PARD3B: variants seen among roughly 807,000 people sequenced by gnomAD.
PARD3B encodes partitioning defective 3 homolog B.
PARD3B carries 103 observed loss-of-function variants against 130.2 expected under a neutral mutation model. The ratio of observed to expected loss-of-function variants is 0.79; its 90% CI spans 0.67 to 0.93. The LOEUF (loss-of-function observed/expected upper bound fraction) is 0.93. PARD3B is among the 40% of genes least tolerant of loss of function. The pLI is 0.00. For missense variants in PARD3B, 1,609 were observed against 1,499.2 expected, an observed-to-expected ratio of 1.07 and a Z score of -1.21; for synonymous variants, 583 against 553.2, an observed-to-expected ratio of 1.05 and a Z score of -0.76.
chr2:204,766,049 C>T (rs1559127963), intron 2 of PARD3B, among the ~76,000 whole-genome samples: 1 of 152,118 alleles, frequency 6.6e-6, no homozygotes, highest in Non-Finnish European at 1.5e-5. Context: ...GATTGTCTTT[C>T]CTCCCAAACT....
intron 21 of PARD3B, among the ~76,000 whole-genome samples, chr2:205,537,204 A>C (rs4675533): frequency 0.94 from 142,419 of 152,104 alleles, 67,359 homozygotes; most frequent in East Asian, 1. Context: ...ATAGGTGTTG[A>C]TTCTGCTCAA....
At chr2:204,753,265 A>G (rs2040535483) in intron 2 of PARD3B, among the ~76,000 whole-genome samples, 1 of 152,188 alleles carries the variant, frequency 6.6e-6, no homozygotes, top group African/African-American at 2.4e-5. Flanking sequence ...TTAAGATTTT[A>G]TAGCTGGAAA....
At position 205,083,326 on chromosome 2, in the gene PARD3B, T is replaced by A. The variant is rs996243443; in HGVS notation, c.505-21100T>A. ...AACCTCAGTAGCATAAAAGTGGTTT[T>A]AAGAATAGAAAAAAAAAAAAGAGGA... On this transcript the variant is annotated intron_variant, in intron 4 of 22. Coordinates refer to ENST00000406610, the MANE Select transcript of PARD3B (RefSeq NM_001302769.2). Among the ~76,000 whole-genome samples the A allele has an allele frequency of 2.1e-4, 27 of 129,226 alleles. No individual in the cohort carries two copies. The Admixed American group carries it at 2.3e-3, about 11-fold the overall frequency. The allele number at this position is 129,226 out of a possible 152,430, so 84.8% of individuals were successfully genotyped here.
chr2:205,409,745 A>G lies in PARD3B; in HGVS notation c.2741+8622A>G, dbSNP rs932630085. On this transcript the variant is annotated intron_variant, in intron 19 of 22. Transcript: ENST00000406610. ...TACAAATTGTTTTAAATAATTTTAA[A>G]TATTTTTAAAGAATTCATGTACCCT... Among the ~76,000 whole-genome samples the G allele has an allele frequency of 2.0e-5, 3 of 152,304 alleles. No homozygotes were observed. The East Asian group carries it at 5.8e-4, about 29-fold the overall frequency.
At chr2:204,940,387 G>C (rs1375206033) in intron 2 of PARD3B, among the ~76,000 whole-genome samples, 1 of 152,066 alleles carries the variant, frequency 6.6e-6, no homozygotes, top group Non-Finnish European at 1.5e-5. Flanking sequence ...CTCTGGGAGC[G>C]AACTGGAGTC....
At chr2:205,469,681 A>G (rs896488793) in intron 20 of PARD3B, among the ~76,000 whole-genome samples, 1 of 152,152 alleles carries the variant, frequency 6.6e-6, no homozygotes, top group Non-Finnish European at 1.5e-5. Flanking sequence ...CACACCCTAT[A>G]TTTGACATAG....
intron 3 of PARD3B, among the ~76,000 whole-genome samples, chr2:205,045,118 T>G (rs1698681700): frequency 1.3e-5 from 2 of 151,512 alleles, no homozygotes; most frequent in South Asian, 2.1e-4. Flanking sequence ...TAAAGTTTTT[T>G]TTTTTTTTTT....
intron 21 of PARD3B, among the ~76,000 whole-genome samples, chr2:205,539,470 T>G (rs1164973832): frequency 3.9e-5 from 6 of 152,184 alleles, no homozygotes; most frequent in Non-Finnish European, 7.3e-5. Flanking sequence ...AGAGCAGGTA[T>G]GTGCACAGCC....
intron 2 of PARD3B, among the ~76,000 whole-genome samples, chr2:204,698,497 C>T (rs915640990): frequency 2.0e-4 from 31 of 151,324 alleles, no homozygotes; most frequent in African/African-American, 6.6e-4. Context: ...CCATTTGGTG[C>T]GAATTATATC....
chr2:204,948,824 G>A (rs925895199), intron 2 of PARD3B, among the ~76,000 whole-genome samples: 2 of 152,260 alleles, frequency 1.3e-5, no homozygotes, highest in Admixed American at 1.3e-4. Flanking sequence ...AGGGTTTGGG[G>A]AAGAAAACAT....
At chr2:205,396,005 G>A (rs2105994031) in intron 18 of PARD3B, among the ~76,000 whole-genome samples, 1 of 152,112 alleles carries the variant, frequency 6.6e-6, no homozygotes, top group Non-Finnish European at 1.5e-5. Flanking sequence ...TCTGCATCCT[G>A]GCGGAGTTTC....
chr2:205,073,045 G>A (rs1011536950), intron 4 of PARD3B, among the ~76,000 whole-genome samples: 17 of 151,786 alleles, frequency 1.1e-4, no homozygotes, highest in African/African-American at 2.7e-4. Context: ...ACATTTAAAC[G>A]GTATCCATGA....
intron 18 of PARD3B, among the ~76,000 whole-genome samples, chr2:205,331,782 C>CAAAAAAAAGAAAAAAAAAAAAAAAAAAAA (rs2043140754): frequency 2.1e-5 from 1 of 48,392 alleles, no homozygotes; most frequent in Non-Finnish European, 3.2e-5. Flanking sequence ...GACTCCGTCT[C>CAAAAAAAAGAAAAAAAAAAAAAAAAAAAA]AAAAAAAAAA....
intron 5 of PARD3B, among the ~76,000 whole-genome samples, chr2:205,110,883 A>T (rs2125591687): frequency 6.6e-6 from 1 of 152,146 alleles, no homozygotes; most frequent in Admixed American, 6.5e-5. Context: ...GTAAAATCTC[A>T]CTTTATGAGA....
At chr2:204,879,399 C>T (rs541794741) in intron 2 of PARD3B, among the ~76,000 whole-genome samples, 2 of 152,274 alleles carry the variant, frequency 1.3e-5, no homozygotes, top group African/African-American at 4.8e-5. Flanking sequence ...AAGGTATCAA[C>T]TGAGCCAGGT....
chr2:204,993,743 G>A (rs1200853745), intron 3 of PARD3B, among the ~76,000 whole-genome samples: 14 of 145,506 alleles, frequency 9.6e-5, no homozygotes, highest in East Asian at 2.0e-4. Context: ...ATTGATTATC[G>A]CCACAATTTC....
At chr2:205,512,984 TC>T (rs906159639) in intron 21 of PARD3B, among the ~76,000 whole-genome samples, 5 of 127,372 alleles carry the variant, frequency 3.9e-5, no homozygotes, top group African/African-American at 1.4e-4. Flanking sequence ...CTACTTTTTT[TC>T]CTTCTTTTTT....
chr2:205,507,196 A>ATATTTT, intron 21 of PARD3B, among the ~76,000 whole-genome samples: 1 of 25,194 alleles, frequency 4.0e-5, no homozygotes, highest in Non-Finnish European at 6.6e-5. Context: ...CAGGTGCAGT[A>ATATTTT]TTTTTTTTTT....
rs562161260 is a variant in PARD3B, at chr2:205,274,096, T to C, written c.2186-26434T>C. 4.3e-4 allele frequency among the ~76,000 whole-genome samples: 65 copies of C among 152,184 alleles called. No homozygotes were observed. Among genetic ancestry groups the C allele is most frequent in the Non-Finnish European group, 8.1e-4 (55 of 68,016 alleles). On this transcript the variant is annotated intron_variant, in intron 16 of 22. Coordinates refer to ENST00000406610, the MANE Select transcript of PARD3B (RefSeq NM_001302769.2). This position sits in a 1 kb window ranked among gnomAD's most constrained non-coding sequence, Gnocchi z 4.2. The stretch of plus-strand genomic sequence containing the variant: ...CAGCTCATCTAGATCTGGACAAATA[T>C]AGTTTTTTTAAAAAAAGTCTATTTT...
Sources: gnomAD v4.1 joint callset for allele counts (sites outside exome capture counted in the v4.1 genomes callset) on GRCh38, gnomAD v4.1.1 for gene constraint, Gnocchi (gnomAD v3.1) non-coding constraint, MANE v1.5 for transcripts, NCBI Gene and HGNC (gene_info 2026-07-23, HGNC 2026-07-21) for gene names.